LZTR1: variants seen among roughly 807,000 people sequenced by gnomAD.
The protein encoded by LZTR1 is leucine-zipper-like transcriptional regulator 1.
LZTR1 carries 260 observed loss-of-function variants against 105.7 expected under a neutral mutation model. The ratio of observed to expected loss-of-function variants is 2.46; its 90% CI spans 2.22 to 2.72. LZTR1 has a LOEUF of 2.72. Ranked by LOEUF, LZTR1 falls within the 30% of genes most tolerant of loss-of-function variation. LZTR1 has a pLI of 0.00. For missense variants in LZTR1, 1,214 were observed against 1,166.9 expected (o/e 1.04, Z -0.59); for synonymous variants, 490 against 476.4 (o/e 1.03, Z -0.37).
At chr22:20,991,443 G>A (rs1601719292) in intron 8 of LZTR1, 185 bp from the exon 9 acceptor site, 1 of 591,618 alleles carries the variant, frequency 1.7e-6, no homozygotes. Context: ...GCCAGGCAGG[G>A]CTGGTGCCCG....
rs776759823 is a variant in LZTR1 at position 20,990,519 on chromosome 22, A to G, written c.785A>G (p.Asp262Gly). ...AACCTCTTCCAGTTTGAATTCAAGG[A>G]CAAGACGTGAGTACTCTGGCCAGTG... Reference protein sequence around the residue: ...TNNLFQFEFKDKTWTRIPTEH... With the variant: ...TNNLFQFEFKGKTWTRIPTEH... Residue 262 changes from aspartate to glycine, a missense_variant, in exon 8 of 21, where the codon GAC (aspartate) becomes GGC (glycine). Physicochemically the swap from Asp to Gly is moderately conservative, Grantham distance 94. Coordinates refer to ENST00000646124, the MANE Select transcript of LZTR1 (RefSeq NM_006767.4). 6 of 1,610,644 alleles carry G rather than the reference A, an allele frequency of 3.7e-6. No individual in the cohort carries two copies. The highest frequency in any genetic ancestry group is 5.1e-6 in the Non-Finnish European group (6 of 1,178,146).
rs977844214 is a variant in LZTR1, at chr22:20,982,509, G to A, written c.138G>A (p.Gly46=). 2.5e-5 allele frequency: 40 copies of A among 1,613,002 alleles called. No homozygotes were observed. The highest frequency in any genetic ancestry group is 3.1e-5 in the Non-Finnish European group (37 of 1,179,734). Residue 46 remains glycine, a synonymous_variant, in exon 1 of 21, where the codon GGG becomes GGA. Transcript: ENST00000646124. ...TCGAGTACCTGACGCTCAACTTCGGGCCCTTCGAAACAGTGCATCGCTGGC... is the reference window on the plus strand; with the variant it reads ...TCGAGTACCTGACGCTCAACTTCGGACCCTTCGAAACAGTGCATCGCTGGC... ...DSVEYLTLNF[G]PFETVHRWRR... is the part of the protein sequence containing the mutation.
In LZTR1 at chr22:20,996,887, T is replaced by A. The variant is rs1924875603; in HGVS notation, c.2327T>A (p.Ile776Asn). 6.2e-7 allele frequency: 1 copy of A among 1,612,186 alleles called. No individual in the cohort carries two copies. Residue 776 changes from isoleucine (I) to asparagine (N), a missense_variant and splice_region_variant, in exon 20 of 21, where the codon ATC (isoleucine) becomes AAC (asparagine). Physicochemically the swap from Ile to Asn is moderately radical, Grantham distance 149. Coordinates refer to ENST00000646124, the MANE Select transcript of LZTR1 (RefSeq NM_006767.4). Reference protein sequence around the residue: ...MNVTVQNVLQILEAADKTQAL... With the variant: ...MNVTVQNVLQNLEAADKTQAL... Reference sequence around the variant, plus strand: ...GCCTCAAGGTCCCTGCCATTGCAGATCCTGGAGGCAGCTGACAAAACGCAG... The same window carrying A: ...GCCTCAAGGTCCCTGCCATTGCAGAACCTGGAGGCAGCTGACAAAACGCAG...
intron 2 of LZTR1, 142 bp from the exon 3 acceptor site, chr22:20,985,699 G>C: frequency 1.5e-6 from 1 of 681,946 alleles, no homozygotes; most frequent in Non-Finnish European, 2.6e-6. Flanking sequence ...TTGTTCTTGG[G>C]CATCAGCTGG....
chr22:20,994,295 G>T (rs772000657), intron 14 of LZTR1, 26 bp downstream of exon 14: 2 of 1,593,484 alleles, frequency 1.3e-6, no homozygotes, highest in Non-Finnish European at 1.7e-6. Flanking sequence ...GGTGGAGCAG[G>T]GTTGGTGTGG....
Position 20,988,482 on chromosome 22 carries a change from A to G in LZTR1, c.510-307A>G, listed in dbSNP as rs1168617995. On this transcript the variant is annotated intron_variant, in intron 5 of 20. Transcript: ENST00000646124. ...AAGACCTTGTCACAAAAAAATGTTCAATAAGATCCAATGTACTGCTGATGG... is the reference window on the plus strand; with the variant it reads ...AAGACCTTGTCACAAAAAAATGTTCGATAAGATCCAATGTACTGCTGATGG... 2.0e-5 allele frequency among the ~76,000 whole-genome samples: 3 copies of G among 152,224 alleles called. No homozygotes were observed. In the East Asian group the frequency reaches 5.8e-4, roughly 29 times the overall value.
rs1228190793 is a variant in LZTR1, at chr22:20,998,712, T to C, written c.*1364T>C. On this transcript the variant is annotated 3_prime_UTR_variant, in exon 21 of 21. Coordinates refer to ENST00000646124, the MANE Select transcript of LZTR1 (RefSeq NM_006767.4). ...AGGCTGAGCCGGGAGGCCCTTGAGG[T>C]GAGGACACAGCAGGCCCAGGACCAT... 1.3e-5 allele frequency: 2 copies of C among 152,632 alleles called. No individual in the cohort carries two copies. Among genetic ancestry groups the C allele is most frequent in the Admixed American group, 1.3e-4 (2 of 15,280 alleles). The allele number at this position is 152,632 out of a possible 1,614,324, so 9.5% of individuals were successfully genotyped here. A position where few individuals can be genotyped will look rare whatever the true frequency, so the allele number is the denominator to read the frequency against.
intron 10 of LZTR1, 186 bp downstream of exon 10, chr22:20,992,555 C>T: frequency 1.4e-6 from 1 of 719,742 alleles, no homozygotes. Context: ...GTGGGTGCCA[C>T]ACACTGGCCC....
At chr22:20,987,968 A>G (rs761537310) in intron 4 of LZTR1, 42 bp from the exon 5 acceptor site, 1 of 1,205,698 alleles carries the variant, frequency 8.3e-7, no homozygotes, top group Admixed American at 1.8e-5. Flanking sequence ...AATCTCCAAG[A>G]CTGCCCTTTG....
At position 20,997,217 on chromosome 22, in the gene LZTR1, C is replaced by T; in HGVS notation, c.2407-15C>T. ...GGATCTGGTCCCATCTCCTTCCGGC[C>T]TGCTTGCCTTACAGGTCTCCAAGTT... On this transcript the variant is annotated splice_polypyrimidine_tract_variant and intron_variant, in intron 20 of 20. Coordinates refer to ENST00000646124, the MANE Select transcript of LZTR1 (RefSeq NM_006767.4). 6.4e-7 allele frequency: 1 copy of T among 1,573,962 alleles called. No homozygotes were observed. The highest frequency in any genetic ancestry group is 1.7e-5 in the Admixed American group (1 of 59,986).
In LZTR1 at chr22:20,994,525, G is replaced by A. The variant is rs764657743; in HGVS notation, c.1616-33G>A. 15 of 1,599,096 alleles carry A rather than the reference G, an allele frequency of 9.4e-6. No homozygotes were observed. The highest frequency in any genetic ancestry group is 4.0e-5 in the African/African-American group (3 of 74,832). ...CCCTGTGCCCTGCCCTCCCCTCTCCGGCTCCCTGAGATTCGGGGGCTCTGG... is the reference window on the plus strand; with the variant it reads ...CCCTGTGCCCTGCCCTCCCCTCTCCAGCTCCCTGAGATTCGGGGGCTCTGG... On this transcript the variant is annotated intron_variant, in intron 14 of 20. Coordinates refer to ENST00000646124, the MANE Select transcript of LZTR1 (RefSeq NM_006767.4).
intron 11 of LZTR1, 146 bp from the exon 12 acceptor site, chr22:20,993,516 G>A: frequency 1.6e-6 from 1 of 638,638 alleles, no homozygotes. Flanking sequence ...GGTAGCGGCT[G>A]CTTCCTCTCC....
At position 20,995,778 on chromosome 22, in the gene LZTR1, C is replaced by G; in HGVS notation, c.1975C>G (p.Leu659Val). The change falls in exon 17 of 21, where the codon CTG (leucine) becomes GTG (valine). Residue 659 changes from leucine to valine, a missense_variant. Transcript: ENST00000646124. ...TSLIQDMKAY[L>V]EGAGAEFCDI... ...TCTGATCCAGGACATGAAGGCATAC[C>G]TGGAGGGAGCGGGCGCGGAATTCTG... 1 of 1,613,654 alleles carries G rather than the reference C, an allele frequency of 6.2e-7. No individual in the cohort carries two copies. Among genetic ancestry groups the G allele is most frequent in the Non-Finnish European group, 8.5e-7 (1 of 1,180,000 alleles).
In LZTR1 at chr22:20,985,164, G is replaced by A. The variant is rs367855268; in HGVS notation, c.264-677G>A. On this transcript the variant is annotated intron_variant, in intron 2 of 20. Transcript: ENST00000646124. ...CAACCTCTGCCTCCCGGGTTCAAGCGATTCTGCCGCAGCCTCCCGAGTAGC... is the reference window on the plus strand; with the variant it reads ...CAACCTCTGCCTCCCGGGTTCAAGCAATTCTGCCGCAGCCTCCCGAGTAGC... Among the ~76,000 whole-genome samples the A allele has an allele frequency of 4.0e-5, 6 of 150,012 alleles. No individual in the cohort carries two copies. In the South Asian group the frequency reaches 8.4e-4, roughly 21 times the overall value.
chr22:20,989,803 C>A (rs1924536293), intron 7 of LZTR1, 121 bp downstream of exon 7: 1 of 1,042,552 alleles, frequency 9.6e-7, no homozygotes, highest in Non-Finnish European at 1.4e-6. Flanking sequence ...AGGTGGGAGG[C>A]AGGGGGAGCC....
rs983395423 is a variant in LZTR1 at position 20,994,174 on chromosome 22, C to T, written c.1520C>T (p.Pro507Leu). 1.1e-5 allele frequency: 18 copies of T among 1,600,692 alleles called. No homozygotes were observed. The highest frequency in any genetic ancestry group is 1.7e-5 in the Admixed American group (1 of 59,274). ...GTGGCTGCTGGTGGGGCCCGGCCGC[C>T]CCTGCTGCACGTGGCCATCCGGGAG... ...PGVAAGGARP[P>L]LLHVAIREAE... The change falls in exon 14 of 21, where the codon CCC (proline) becomes CTC (leucine). Residue 507 changes from proline (P) to leucine (L), a missense_variant. Coordinates refer to ENST00000646124, the MANE Select transcript of LZTR1 (RefSeq NM_006767.4).
chr22:20,990,729 C>A, intron 8 of LZTR1: 1 of 569,234 alleles, frequency 1.8e-6, no homozygotes, highest in Admixed American at 3.5e-5. Flanking sequence ...CAAGATAAGG[C>A]CTGGCGAGGA....
intron 6 of LZTR1, 100 bp from the exon 7 acceptor site, chr22:20,989,525 T>A: frequency 1.1e-6 from 1 of 939,208 alleles, no homozygotes; most frequent in Non-Finnish European, 1.8e-6. Context: ...CTACCCTGTG[T>A]GGGGGTGGGG....
intron 3 of LZTR1, 195 bp from the exon 4 acceptor site, chr22:20,987,309 G>A (rs1307650146): frequency 1.1e-5 from 6 of 547,978 alleles, no homozygotes; most frequent in African/African-American, 5.7e-5. Flanking sequence ...CAGGACAATC[G>A]CTTGAACCCA....
Sources: allele counts gnomAD v4.1 joint callset (sites outside exome capture counted in the v4.1 genomes callset), GRCh38; gene constraint gnomAD v4.1.1; transcripts MANE v1.5; gene names NCBI Gene and HGNC (gene_info 2026-07-23, HGNC 2026-07-21).